Variants in MKLN1 observed in about 807,000 individuals in gnomAD.
MKLN1 encodes the protein muskelin 1.
MKLN1 carries 18 observed loss-of-function variants against 99.0 expected under a neutral mutation model. The ratio of observed to expected loss-of-function variants is 0.18; its 90% confidence interval spans 0.13 to 0.27. The LOEUF (loss-of-function observed/expected upper bound fraction) is 0.27. MKLN1 is among the 10% of genes least tolerant of loss of function. The pLI is 1.00. For missense variants in MKLN1, 621 were observed against 875.9 expected (o/e 0.71, Z 3.67); for synonymous variants, 288 against 293.2 (o/e 0.98, Z 0.18).
chr7:131,360,567 C>G (rs1381646454), intron 1 of MKLN1, among the ~76,000 whole-genome samples: 1 of 152,158 alleles, frequency 6.6e-6, no homozygotes, highest in African/African-American at 2.4e-5. Context: ...TACCTAATAT[C>G]AGAGTATTTC....
chr7:131,296,566 C>T (rs1050714150), intron 3 of MKLN1, among the ~76,000 whole-genome samples: 7 of 151,900 alleles, frequency 4.6e-5, no homozygotes, highest in Admixed American at 2.0e-4. Context: ...TTGCATGGGT[C>T]CACTTGTATC....
intron 2 of MKLN1, among the ~76,000 whole-genome samples, chr7:131,200,010 A>T (rs1796704280): frequency 6.6e-6 from 1 of 151,874 alleles, no homozygotes. Flanking sequence ...GTAATTTTTT[A>T]AATGTGTTGC....
intron 8 of MKLN1, among the ~76,000 whole-genome samples, chr7:131,417,257 T>G (rs550102312): frequency 6.6e-6 from 1 of 152,306 alleles, no homozygotes. Flanking sequence ...AGAAATACAC[T>G]TTTAAGCAAA....
intron 6 of MKLN1, among the ~76,000 whole-genome samples, chr7:131,407,515 T>C (rs1409077403): frequency 1.3e-5 from 2 of 151,942 alleles, no homozygotes; most frequent in Admixed American, 6.6e-5. Flanking sequence ...ATTTTTCCTA[T>C]TTTTAGAAGC....
intron 3 of MKLN1, among the ~76,000 whole-genome samples, chr7:131,295,815 A>G (rs777762063): frequency 4.0e-5 from 6 of 149,850 alleles, no homozygotes; most frequent in Non-Finnish European, 5.9e-5. Flanking sequence ...AGCTTGGGAG[A>G]TGGAGGCTGC....
At chr7:131,401,639 C>T (rs764761197) in intron 6 of MKLN1, among the ~76,000 whole-genome samples, 153 of 152,050 alleles carry the variant, frequency 1.0e-3, no homozygotes, top group Admixed American at 3.0e-3. Context: ...TTGGATTGTG[C>T]AGTAGTTGTT....
intron 3 of MKLN1, among the ~76,000 whole-genome samples, chr7:131,278,519 C>G (rs1023537381): frequency 6.6e-6 from 1 of 152,100 alleles, no homozygotes; most frequent in Admixed American, 6.6e-5. Flanking sequence ...AGTTTAGGTG[C>G]TCATTATCCT....
At chr7:131,475,697 C>T (rs1407815001) in intron 16 of MKLN1, among the ~76,000 whole-genome samples, 1 of 152,130 alleles carries the variant, frequency 6.6e-6, no homozygotes, top group Non-Finnish European at 1.5e-5. Flanking sequence ...GTAGTCCCAG[C>T]TCCTCTGGAG....
intron 2 of MKLN1, among the ~76,000 whole-genome samples, chr7:131,162,097 G>A (rs970113114): frequency 4.0e-5 from 6 of 150,616 alleles, no homozygotes; most frequent in South Asian, 4.2e-4. Flanking sequence ...GCAGTGGCAC[G>A]ATCTAGGCTC....
chr7:131,392,864 C>G (rs1485973467), intron 4 of MKLN1, among the ~76,000 whole-genome samples: 4 of 151,998 alleles, frequency 2.6e-5, no homozygotes, highest in African/African-American at 9.7e-5. Context: ...CTTGGCCTCC[C>G]AAAGTGCTGG....
In MKLN1 at chr7:131,308,261, GTT is replaced by G. The variant is rs35421090; in HGVS notation, c.-178-67146_-178-67145del. 5.4e-3 allele frequency among the ~76,000 whole-genome samples: 715 copies of G among 132,502 alleles called. 2 individuals carry two copies. Among genetic ancestry groups the G allele is most frequent in the Non-Finnish European group, 7.3e-3 (452 of 62,056 alleles). 86.9% of individuals were successfully genotyped at this position (132,502 alleles called of 152,430 possible). A position where few individuals can be genotyped will look rare whatever the true frequency, so the allele number is the denominator to read the frequency against. On this transcript the variant is annotated intron_variant, in intron 3 of 7. Transcript: ENST00000416992. ...TTCTTAAATTACCCAGTCTCACGTA[GTT>G]TTTTTTTTTTTTTTTTGAGATGGTA...
intron 4 of MKLN1, among the ~76,000 whole-genome samples, chr7:131,392,178 CAG>C (rs886720512): frequency 6.6e-6 from 1 of 152,098 alleles, no homozygotes; most frequent in Non-Finnish European, 1.5e-5. Flanking sequence ...ATGAGGAAAT[CAG>C]GGGTAGGTGA....
At chr7:131,215,106 G>A (rs998279658) in intron 3 of MKLN1, among the ~76,000 whole-genome samples, 3 of 152,170 alleles carry the variant, frequency 2.0e-5, no homozygotes, top group Non-Finnish European at 4.4e-5. Flanking sequence ...GAGTGCAGTC[G>A]CTTGATCTCA....
intron 1 of MKLN1, among the ~76,000 whole-genome samples, chr7:131,374,959 A>G (rs188722634): frequency 1.4e-5 from 2 of 147,666 alleles, no homozygotes; most frequent in East Asian, 4.0e-4. Flanking sequence ...TTTTTTAAAG[A>G]CAGAGTCTTG....
intron 1 of MKLN1, among the ~76,000 whole-genome samples, chr7:131,120,054 C>T (rs1457309477): frequency 6.6e-6 from 1 of 151,552 alleles, no homozygotes; most frequent in Admixed American, 6.6e-5. Flanking sequence ...GCCTGTAGTC[C>T]CAGCTACTCG....
chr7:131,453,223 C>G (rs1318452813), intron 12 of MKLN1, among the ~76,000 whole-genome samples: 1 of 152,080 alleles, frequency 6.6e-6, no homozygotes, highest in Non-Finnish European at 1.5e-5. Flanking sequence ...CATGTAAAAA[C>G]AAACATGCAA....
chr7:131,418,498 TA>T (rs1291099084), intron 8 of MKLN1, among the ~76,000 whole-genome samples: 2 of 152,028 alleles, frequency 1.3e-5, no homozygotes, highest in African/African-American at 2.4e-5. Context: ...CTTATGAGCT[TA>T]CAAAAAAAAT....
At position 131,400,225 on chromosome 7, in the gene MKLN1, G is replaced by A. The variant is rs112350334; in HGVS notation, c.703+792G>A. The stretch of plus-strand genomic sequence containing the variant: ...TTTTAATTTTATCACTGTTATTATC[G>A]TCTATTATTAGGTATTCATATTTAT... On this transcript the variant is annotated intron_variant, in intron 6 of 17. Coordinates refer to ENST00000352689, the MANE Select transcript of MKLN1 (RefSeq NM_013255.5). Among the ~76,000 whole-genome samples the A allele has an allele frequency of 3.5e-3, 537 of 151,360 alleles. 2 individuals are homozygous for A. Among genetic ancestry groups the A allele is most frequent in the African/African-American group, 0.012 (505 of 41,268 alleles).
At chr7:131,257,169 T>C (rs1237744108) in intron 3 of MKLN1, among the ~76,000 whole-genome samples, 1 of 152,310 alleles carries the variant, frequency 6.6e-6, no homozygotes, top group South Asian at 2.1e-4. Flanking sequence ...GCACAATCGA[T>C]ACTCTTCTCA....
Sources: allele counts gnomAD v4.1 joint callset (sites outside exome capture counted in the v4.1 genomes callset), GRCh38; gene constraint gnomAD v4.1.1; transcripts MANE v1.5; gene names NCBI Gene and HGNC (gene_info 2026-07-23, HGNC 2026-07-21).